Variants in SLC22A15 observed in about 807,000 individuals in gnomAD.
SLC22A15 encodes flipt 1.
A neutral mutation model predicts 62.7 loss-of-function variants in SLC22A15; 45 were observed. The ratio of observed to expected loss-of-function variants is 0.72; its 90% CI spans 0.56 to 0.92. SLC22A15 has a LOEUF of 0.92. Among genes scored for constraint, SLC22A15 ranks in the 40% least tolerant of loss-of-function variants. The probability of loss-of-function intolerance (pLI) is 0.00; values close to 1 mark genes in which losing one functional copy is unlikely to be tolerated. For missense variants in SLC22A15, 622 were observed against 665.6 expected (o/e 0.93, Z 0.72); for synonymous variants, 264 against 267.0 (o/e 0.99, Z 0.11).
intron 2 of SLC22A15, among the ~76,000 whole-genome samples, chr1:115,997,870 A>G (rs1655504668): frequency 6.6e-6 from 1 of 152,136 alleles, no homozygotes; most frequent in Non-Finnish European, 1.5e-5. Context: ...GTCTTGTTCT[A>G]GATCTTAGAG....
intron 8 of SLC22A15, among the ~76,000 whole-genome samples, chr1:116,049,197 A>G (rs918610762): frequency 6.6e-6 from 1 of 152,246 alleles, no homozygotes; most frequent in African/African-American, 2.4e-5. Flanking sequence ...GGTCATCAAG[A>G]CAAAATCAAC....
intron 7 of SLC22A15, 114 bp downstream of exon 7, chr1:116,035,441 G>C: frequency 1.2e-6 from 1 of 854,568 alleles, no homozygotes; most frequent in Non-Finnish European, 1.7e-6. Flanking sequence ...AGTATCAGCT[G>C]ATTGCTCTGT....
intron 6 of SLC22A15, 153 bp downstream of exon 6, chr1:116,031,734 C>G: frequency 6.9e-7 from 1 of 1,443,906 alleles, no homozygotes; most frequent in South Asian, 1.5e-5. Context: ...TCCTTAGCGC[C>G]TGGTTTTCTG....
At chr1:116,012,287 T>G (rs1439062551) in intron 2 of SLC22A15, among the ~76,000 whole-genome samples, 2 of 152,122 alleles carry the variant, frequency 1.3e-5, no homozygotes, top group Non-Finnish European at 2.9e-5. Flanking sequence ...TGGATATGTG[T>G]CTCAGTTCTC....
rs1169724869 is a variant in SLC22A15 at position 116,066,602 on chromosome 1, A to G, written c.1448A>G (p.Glu483Gly). ...GGCCTCCTGAGTTTGTTATTGCCGG[A>G]GACCCTTAACAGTCCGCTGCTAGAA... ...TSGLLSLLLPETLNSPLLETF... is the reference protein window; with the variant it reads ...TSGLLSLLLPGTLNSPLLETF... Residue 483 changes from glutamate (E) to glycine (G), a missense_variant, in exon 11 of 12, where the codon GAG becomes GGG. Transcript: ENST00000369503. 1 of 1,610,050 alleles carries G rather than the reference A, an allele frequency of 6.2e-7. No homozygotes were observed. The highest frequency in any genetic ancestry group is 1.7e-5 in the Admixed American group (1 of 59,442).
intron 8 of SLC22A15, among the ~76,000 whole-genome samples, chr1:116,039,385 T>G (rs1463911460): frequency 6.6e-6 from 1 of 151,902 alleles, no homozygotes; most frequent in East Asian, 1.9e-4. Flanking sequence ...ATACAAAAAT[T>G]AGTTGGGCAT....
intron 9 of SLC22A15, among the ~76,000 whole-genome samples, chr1:116,064,110 A>G (rs1479684378): frequency 6.6e-6 from 1 of 152,176 alleles, no homozygotes; most frequent in African/African-American, 2.4e-5. Flanking sequence ...TCCACTGTCC[A>G]ATATGGTAGT....
At chr1:116,015,151 G>A (rs1656463139) in intron 2 of SLC22A15, 1 of 152,146 alleles carries the variant, frequency 6.6e-6, no homozygotes, top group South Asian at 2.1e-4. Flanking sequence ...CAGAGGGCTG[G>A]TTGTCAACCC....
chr1:116,054,609 T>C (rs1265274820), intron 8 of SLC22A15, among the ~76,000 whole-genome samples: 2 of 152,186 alleles, frequency 1.3e-5, no homozygotes, highest in African/African-American at 4.8e-5. Context: ...ATACATTTTT[T>C]TGAGCACCAC....
chr1:116,051,356 A>G (rs1029850249), intron 8 of SLC22A15, among the ~76,000 whole-genome samples: 1 of 152,224 alleles, frequency 6.6e-6, no homozygotes, highest in Non-Finnish European at 1.5e-5. Context: ...ATAGTGGTAT[A>G]AAAATAGGCA....
At chr1:116,026,756 TTTTC>T in intron 4 of SLC22A15, 133 bp from the exon 5 acceptor site, 1 of 950,358 alleles carries the variant, frequency 1.1e-6, no homozygotes, top group Admixed American at 2.6e-5. Flanking sequence ...TTTTTTTTTC[TTTTC>T]TGGTGTGCCT....
Position 116,068,427 on chromosome 1 carries a change from C to T in SLC22A15, c.*1319C>T, listed in dbSNP as rs545460672. The T allele has an allele frequency of 1.1e-3, 173 of 152,614 alleles. No homozygotes were observed. Among genetic ancestry groups the T allele is most frequent in the Non-Finnish European group, 2.1e-3 (140 of 68,034 alleles). The allele number at this position is 152,614 out of a possible 1,614,324, so 9.5% of individuals were successfully genotyped here. Reference sequence around the variant, plus strand: ...ATAGAAGACGTCACTGTGGCTGCTTCTGGAAGTGCTGGAAGCATCACCCCA... The same window carrying T: ...ATAGAAGACGTCACTGTGGCTGCTTTTGGAAGTGCTGGAAGCATCACCCCA... On this transcript the variant is annotated 3_prime_UTR_variant, in exon 12 of 12. Transcript: ENST00000369503.
chr1:116,026,651 A>T (rs1459544766), intron 4 of SLC22A15, among the ~76,000 whole-genome samples: 1 of 152,172 alleles, frequency 6.6e-6, no homozygotes, highest in Admixed American at 6.5e-5. Flanking sequence ...ATATATCCCC[A>T]TATAGTTTGT....
intron 8 of SLC22A15, among the ~76,000 whole-genome samples, chr1:116,054,438 T>G (rs555405265): frequency 1.6e-4 from 25 of 151,818 alleles, no homozygotes; most frequent in African/African-American, 6.0e-4. Flanking sequence ...AGACTTAGAC[T>G]CCCACACAAT....
rs142620546 is a variant in SLC22A15 at position 115,993,927 on chromosome 1, C to T, written c.300+1684C>T. 5.6e-4 allele frequency among the ~76,000 whole-genome samples: 86 copies of T among 152,270 alleles called. No individual in the cohort carries two copies. In the South Asian group the frequency reaches 0.014, roughly 25 times the overall value. ...CCTATTATTGTCAGGAAAGCCCTCA[C>T]CGCTTGCCCTGGCTTCCACCTGGTG... is the stretch of plus-strand genomic sequence containing the variant. On this transcript the variant is annotated intron_variant, in intron 2 of 11. Coordinates refer to ENST00000369503, the MANE Select transcript of SLC22A15 (RefSeq NM_018420.3).
intron 1 of SLC22A15, 91 bp downstream of exon 1, chr1:115,976,805 G>A (rs923917418): frequency 3.1e-6 from 3 of 970,580 alleles, no homozygotes; most frequent in Non-Finnish European, 4.6e-6. Flanking sequence ...CGGGGCCGGG[G>A]CCGAGGCCGA....
At chr1:116,036,712 C>CT (rs988122625) in intron 7 of SLC22A15, among the ~76,000 whole-genome samples, 1 of 152,158 alleles carries the variant, frequency 6.6e-6, no homozygotes, top group African/African-American at 2.4e-5. Flanking sequence ...ATGTTAATAT[C>CT]TTTCTTCCAA....
intron 2 of SLC22A15, among the ~76,000 whole-genome samples, chr1:116,006,827 C>T (rs1379072218): frequency 6.6e-6 from 1 of 151,954 alleles, no homozygotes; most frequent in East Asian, 1.9e-4. Context: ...CCATTGCATT[C>T]ACTCTCTGTC....
chr1:116,023,099 G>T (rs1557892143), intron 4 of SLC22A15, among the ~76,000 whole-genome samples: 1 of 152,140 alleles, frequency 6.6e-6, no homozygotes, highest in Non-Finnish European at 1.5e-5. Context: ...GCTGGAAATA[G>T]CCTGATTATT....
Sources: gnomAD v4.1 joint callset for allele counts (sites outside exome capture counted in the v4.1 genomes callset) on GRCh38, gnomAD v4.1.1 for gene constraint, MANE v1.5 for transcripts, NCBI Gene and HGNC (gene_info 2026-07-23, HGNC 2026-07-21) for gene names.